The following ANKS4B variants were observed in gnomAD, a reference collection of about 807,000 sequenced individuals.
The protein encoded by ANKS4B is ankyrin repeat and sterile alpha motif domain containing 4B.
ANKS4B carries 21 observed loss-of-function variants against 20.2 expected under a neutral mutation model. The observed-to-expected ratio is 1.04, with a 90% confidence interval of 0.74 to 1.50. ANKS4B has a LOEUF of 1.50. Among genes scored for constraint, ANKS4B ranks in the 40% most tolerant of loss-of-function variants. The probability of loss-of-function intolerance (pLI) is 0.00; values close to 1 mark genes in which losing one functional copy is unlikely to be tolerated. For missense variants in ANKS4B, 473 were observed against 494.6 expected, an observed-to-expected ratio of 0.96 and a Z score of 0.41; for synonymous variants, 179 against 194.5, an observed-to-expected ratio of 0.92 and a Z score of 0.66.
chr16:21,235,157 T>C (rs1407509146), intron 1 of ANKS4B, among the ~76,000 whole-genome samples: 1 of 152,162 alleles, frequency 6.6e-6, no homozygotes, highest in Non-Finnish European at 1.5e-5. Flanking sequence ...TCATCTATGA[T>C]ATTTGTTACA....
At chr16:21,240,335 C>G (rs779931015) in intron 1 of ANKS4B, among the ~76,000 whole-genome samples, 1 of 151,968 alleles carries the variant, frequency 6.6e-6, no homozygotes, top group South Asian at 2.1e-4. Flanking sequence ...GTCGCCCATC[C>G]TGGAGTGCAA....
Position 21,250,868 on chromosome 16 carries a change from C to A in ANKS4B, c.*48C>A. The A allele has an allele frequency of 6.5e-7, 1 of 1,536,070 alleles. No homozygotes were observed. Among genetic ancestry groups the A allele is most frequent in the South Asian group, 1.3e-5 (1 of 79,392 alleles). ...TTGGGGTGATGCTGTGGCCCGCTGGCAGCACTCCAGGCGGCACCCCCTCTT... is the reference window on the plus strand; with the variant it reads ...TTGGGGTGATGCTGTGGCCCGCTGGAAGCACTCCAGGCGGCACCCCCTCTT... On this transcript the variant is annotated 3_prime_UTR_variant, in exon 2 of 2. Coordinates refer to ENST00000311620, the MANE Select transcript of ANKS4B (RefSeq NM_145865.3).
rs2093316745 is a variant in ANKS4B at position 21,233,846 on chromosome 16, C to G, written c.109C>G (p.Leu37Val). Residue 37 changes from leucine (L) to valine (V), a missense_variant, in exon 1 of 2, where the codon CTC (leucine) becomes GTC (valine). Leu to Val is a conservative substitution (Grantham distance 32). Coordinates refer to ENST00000311620, the MANE Select transcript of ANKS4B (RefSeq NM_145865.3). ...GGATGAAGACGGCATGACTCCTACT[C>G]TCTTGGCAGCCTACCATGGGAACTT... ...LSDEDGMTPT[L>V]LAAYHGNLEA... The G allele has an allele frequency of 6.2e-7, 1 of 1,613,928 alleles. No individual in the cohort carries two copies. The highest frequency in any genetic ancestry group is 1.7e-5 in the Admixed American group (1 of 60,004).
In ANKS4B at chr16:21,252,414, C is replaced by T. The variant is rs145714937; in HGVS notation, c.*1594C>T. ...CCCAAAGGTGTGAGAAAATAAACTT[C>T]GGTTGATAAACTGCTGTTGTTGAAG... On this transcript the variant is annotated 3_prime_UTR_variant, in exon 2 of 2. Transcript: ENST00000311620. 1,440 of 152,354 alleles carry T rather than the reference C, an allele frequency of 9.5e-3. 11 individuals are homozygous for T. The highest frequency in any genetic ancestry group is 0.014 in the Non-Finnish European group (976 of 68,042). 9.4% of individuals were successfully genotyped at this position (152,354 alleles called of 1,614,324 possible). A position where few individuals can be genotyped will look rare whatever the true frequency, so the allele number is the denominator to read the frequency against.
At chr16:21,244,724 G>A (rs187475887) in intron 1 of ANKS4B, among the ~76,000 whole-genome samples, 1 of 152,058 alleles carries the variant, frequency 6.6e-6, no homozygotes, top group Admixed American at 6.6e-5. Flanking sequence ...ACATGTTTAG[G>A]GGGGAGACAC....
intron 1 of ANKS4B, among the ~76,000 whole-genome samples, chr16:21,242,057 A>T (rs1056249374): frequency 9.9e-5 from 15 of 152,264 alleles, no homozygotes; most frequent in Admixed American, 5.2e-4. Context: ...ACTAATTTTT[A>T]AAAAAACTAT....
Position 21,250,356 on chromosome 16 carries a change from T to G in ANKS4B, c.790T>G (p.Ser264Ala). 1 of 1,614,108 alleles carries G rather than the reference T, an allele frequency of 6.2e-7. No individual in the cohort carries two copies. The highest frequency in any genetic ancestry group is 8.5e-7 in the Non-Finnish European group (1 of 1,180,036). Residue 264 changes from serine (S) to alanine (A), a missense_variant, in exon 2 of 2, where the codon TCC becomes GCC. Ser to Ala is a moderately conservative substitution (Grantham distance 99, BLOSUM62 1). Transcript: ENST00000311620. The part of the protein sequence containing the change: ...AEEDGSVHHE[S>A]ILNRPGLGSI... ...GGAGGACGGCAGTGTGCACCATGAATCCATTCTCAATCGTCCAGGTCTAGG... is the reference window on the plus strand; with the variant it reads ...GGAGGACGGCAGTGTGCACCATGAAGCCATTCTCAATCGTCCAGGTCTAGG...
At chr16:21,243,107 G>C (rs1314263120) in intron 1 of ANKS4B, among the ~76,000 whole-genome samples, 1 of 152,126 alleles carries the variant, frequency 6.6e-6, no homozygotes, top group Non-Finnish European at 1.5e-5. Context: ...AAGAATAGTT[G>C]AGAACTTCAC....
chr16:21,249,716 C>T lies in ANKS4B; in HGVS notation c.165-15C>T, dbSNP rs1369433408. The T allele has an allele frequency of 7.1e-6, 11 of 1,553,610 alleles. No individual in the cohort carries two copies. The Admixed American group carries it at 1.4e-4, about 20-fold the overall frequency. Reference sequence around the variant, plus strand: ...AAAGTCCAACATGTATTTTTTTTCTCTCTCTCTCTTCTAGAGGGGACCCTG... The same window carrying T: ...AAAGTCCAACATGTATTTTTTTTCTTTCTCTCTCTTCTAGAGGGGACCCTG... On this transcript the variant is annotated splice_polypyrimidine_tract_variant and intron_variant, in intron 1 of 1. Coordinates refer to ENST00000311620, the MANE Select transcript of ANKS4B (RefSeq NM_145865.3).
At chr16:21,235,119 A>T (rs1414338605) in intron 1 of ANKS4B, among the ~76,000 whole-genome samples, 1 of 152,152 alleles carries the variant, frequency 6.6e-6, no homozygotes, top group Non-Finnish European at 1.5e-5. Context: ...AAGTGCTGGG[A>T]TTACAGCTGT....
At chr16:21,235,554 C>A (rs992991782) in intron 1 of ANKS4B, among the ~76,000 whole-genome samples, 1 of 152,026 alleles carries the variant, frequency 6.6e-6, no homozygotes, top group Non-Finnish European at 1.5e-5. Flanking sequence ...TGTTTGGGGA[C>A]TGTTTTAGTG....
chr16:21,248,456 G>A (rs941162616), intron 1 of ANKS4B, among the ~76,000 whole-genome samples: 31 of 152,046 alleles, frequency 2.0e-4, no homozygotes, highest in Admixed American at 1.4e-3. Context: ...CAGGCTGGGC[G>A]TGGTGGCTCA....
Position 21,233,729 on chromosome 16 carries a change from G to A in ANKS4B, c.-9G>A, listed in dbSNP as rs1055144318. 1 of 1,612,126 alleles carries A rather than the reference G, an allele frequency of 6.2e-7. No homozygotes were observed. The highest frequency in any genetic ancestry group is 1.3e-5 in the African/African-American group (1 of 74,890). Reference sequence around the variant, plus strand: ...GAGACATCTGGCCAAGTTCTGGTGAGCAGGAAAAATGTCTACTCGTTACCA... The same window carrying A: ...GAGACATCTGGCCAAGTTCTGGTGAACAGGAAAAATGTCTACTCGTTACCA... On this transcript the variant is annotated 5_prime_UTR_variant, in exon 1 of 2. Coordinates refer to ENST00000311620, the MANE Select transcript of ANKS4B (RefSeq NM_145865.3).
chr16:21,235,193 A>T (rs1304105359), intron 1 of ANKS4B, among the ~76,000 whole-genome samples: 1 of 152,172 alleles, frequency 6.6e-6, no homozygotes, highest in African/African-American at 2.4e-5. Context: ...GGCACTAAAT[A>T]GGCATCTACC....
rs76715570 is a variant in ANKS4B, at chr16:21,249,988, A to G, written c.422A>G (p.Lys141Arg). ...KVTRLKEQAQ[K>R]NARRQIKECE... is the part of the protein sequence containing the mutation. ...ACCAGGCTGAAGGAGCAGGCTCAGAAGAATGCCAGGAGGCAGATCAAAGAG... is the reference window on the plus strand; with the variant it reads ...ACCAGGCTGAAGGAGCAGGCTCAGAGGAATGCCAGGAGGCAGATCAAAGAG... Residue 141 changes from lysine (K) to arginine (R), a missense_variant, in exon 2 of 2, where the codon AAG becomes AGG. Physicochemically the swap from Lys to Arg is conservative, Grantham distance 26 (BLOSUM62 2). Coordinates refer to ENST00000311620, the MANE Select transcript of ANKS4B (RefSeq NM_145865.3). 3,328 of 1,614,236 alleles carry G rather than the reference A, an allele frequency of 2.1e-3. 49 individuals are homozygous for G. The African/African-American group carries it at 0.039, about 19-fold the overall frequency.
At chr16:21,235,644 A>C (rs1276432034) in intron 1 of ANKS4B, among the ~76,000 whole-genome samples, 1 of 152,178 alleles carries the variant, frequency 6.6e-6, no homozygotes. Flanking sequence ...TGGATGTAGA[A>C]TCAATAATGA....
chr16:21,240,843 T>G (rs904441991), intron 1 of ANKS4B, among the ~76,000 whole-genome samples: 4 of 151,526 alleles, frequency 2.6e-5, no homozygotes, highest in Admixed American at 2.0e-4. Context: ...TAGGCTGGAG[T>G]GCAGTGGCAC....
chr16:21,252,143 G>C lies in ANKS4B; in HGVS notation c.*1323G>C, dbSNP rs893187258. ...AGGCGGGGTTTCACCATGTTGGCCA[G>C]GCTGGTCTCAAACTCCTGACCTCAG... On this transcript the variant is annotated 3_prime_UTR_variant, in exon 2 of 2. Transcript: ENST00000311620. 6.6e-6 allele frequency: 1 copy of C among 152,340 alleles called. No individual in the cohort carries two copies. Among genetic ancestry groups the C allele is most frequent in the Admixed American group, 6.5e-5 (1 of 15,276 alleles). 9.4% of individuals were successfully genotyped at this position (152,340 alleles called of 1,614,324 possible). A position where few individuals can be genotyped will look rare whatever the true frequency, so the allele number is the denominator to read the frequency against.
In ANKS4B at chr16:21,233,809, T is replaced by C. The variant is rs1490565141; in HGVS notation, c.72T>C (p.Asp24=). 3 of 1,613,852 alleles carry C rather than the reference T, an allele frequency of 1.9e-6. No individual in the cohort carries two copies. Among genetic ancestry groups the C allele is most frequent in the African/African-American group, 2.7e-5 (2 of 74,876 alleles). The part of the protein sequence containing the change: ...LELLKEATKR[D]LNLSDEDGMT... The stretch of plus-strand genomic sequence containing the variant: ...TTCTAAAAGAGGCTACCAAGCGAGA[T>C]CTAAATCTTTCGGATGAAGACGGCA... Residue 24 remains aspartate (D), a synonymous_variant, in exon 1 of 2, where the codon GAT becomes GAC. Transcript: ENST00000311620.
Sources: gnomAD v4.1 joint callset for allele counts (sites outside exome capture counted in the v4.1 genomes callset) on GRCh38, gnomAD v4.1.1 for gene constraint, MANE v1.5 for transcripts, NCBI Gene and HGNC (gene_info 2026-07-23, HGNC 2026-07-21) for gene names.